NECTIN2: variants seen among roughly 807,000 people sequenced by gnomAD.
NECTIN2 encodes the protein nectin cell adhesion molecule 2.
NECTIN2 carries 23 observed loss-of-function variants against 56.9 expected under a neutral mutation model. The ratio of observed to expected loss-of-function variants is 0.40; its 90% CI spans 0.29 to 0.57. NECTIN2 has a LOEUF of 0.57. NECTIN2 is among the 20% of genes least tolerant of loss of function. NECTIN2 has a pLI of 0.38. For synonymous variants in NECTIN2, 302 were observed against 313.8 expected (o/e 0.96, Z 0.40); for missense variants, 587 against 718.3 (o/e 0.82, Z 2.09).
chr19:44,877,529 G>A (rs1372086302), intron 5 of NECTIN2, among the ~76,000 whole-genome samples: 2 of 152,238 alleles, frequency 1.3e-5, no homozygotes, highest in African/African-American at 2.4e-5. Context: ...ACACACTGGG[G>A]ATAAGTGGCC....
intron 3 of NECTIN2, 23 bp from the exon 4 acceptor site, chr19:44,873,893 T>A: frequency 1.3e-6 from 2 of 1,561,222 alleles, no homozygotes; most frequent in Non-Finnish European, 1.8e-6. Flanking sequence ...TCCTTGCTGA[T>A]CCAGTCCCCC....
intron 2 of NECTIN2, among the ~76,000 whole-genome samples, chr19:44,870,566 T>C (rs1969161721): frequency 6.6e-6 from 1 of 151,600 alleles, no homozygotes; most frequent in African/African-American, 2.4e-5. Context: ...GGAAAGGGTA[T>C]AAAAAAAAGA....
At chr19:44,881,896 C>T (rs114722827) in intron 5 of NECTIN2, 191 of 215,768 alleles carry the variant, frequency 8.9e-4, no homozygotes, top group African/African-American at 4.1e-3. Flanking sequence ...ATTTTTGTAT[C>T]CCCCGTGACT....
rs1302377924 is a variant in NECTIN2 at position 44,874,016 on chromosome 19, G to C, written c.876G>C (p.Thr292=). Reference sequence around the variant, plus strand: ...ACGTCCGCAGCAACCCAGAGCCCACGGGCTATGACTGGAGCACGTGAGTCA... The same window carrying C: ...ACGTCCGCAGCAACCCAGAGCCCACCGGCTATGACTGGAGCACGTGAGTCA... ...SCDVRSNPEP[T]GYDWSTTSGT... The change falls in exon 4 of 9, where the codon ACG becomes ACC. Residue 292 remains threonine (T), a synonymous_variant. Coordinates refer to ENST00000252483, the MANE Select transcript of NECTIN2 (RefSeq NM_001042724.2). This position sits in a 1 kb window ranked among gnomAD's most constrained non-coding sequence, Gnocchi z 6.3. 4 of 1,613,424 alleles carry C rather than the reference G, an allele frequency of 2.5e-6. No individual in the cohort carries two copies. Among genetic ancestry groups the C allele is most frequent in the Non-Finnish European group, 3.4e-6 (4 of 1,179,724 alleles).
In NECTIN2 at chr19:44,865,780, A is replaced by G; in HGVS notation, c.478+120A>G. ...AGGTTCACATTCTCTGTGGGTTTCC[A>G]TCCATCAGCAAATGTTCATTAAGCA... On this transcript the variant is annotated intron_variant, in intron 2 of 8. Transcript: ENST00000252483. The surrounding 1 kb of genome is among the most constrained non-coding windows in gnomAD (Gnocchi z 5.2). 8.5e-7 allele frequency: 1 copy of G among 1,181,510 alleles called. No homozygotes were observed. The highest frequency in any genetic ancestry group is 1.1e-6 in the Non-Finnish European group (1 of 872,322). 73.2% of individuals were successfully genotyped at this position (1,181,510 alleles called of 1,614,324 possible). A position where few individuals can be genotyped will look rare whatever the true frequency, so the allele number is the denominator to read the frequency against.
In NECTIN2 at chr19:44,874,246, C is replaced by T. The variant is rs576536149; in HGVS notation, c.894-84C>T. The T allele has an allele frequency of 4.1e-4, 619 of 1,515,214 alleles. 7 individuals carry two copies. The South Asian group carries it at 6.7e-3, about 16-fold the overall frequency. The allele number at this position is 1,515,214 out of a possible 1,614,324, so 93.9% of individuals were successfully genotyped here. On this transcript the variant is annotated intron_variant, in intron 4 of 8. Coordinates refer to ENST00000252483, the MANE Select transcript of NECTIN2 (RefSeq NM_001042724.2). This position sits in a 1 kb window ranked among gnomAD's most constrained non-coding sequence, Gnocchi z 6.3. ...GTACTTAGGTCCCTGGAGCTTGGCT[C>T]CTGGTGGGTGTATCTTTAGGGATGA...
intron 8 of NECTIN2, among the ~76,000 whole-genome samples, chr19:44,886,478 T>C (rs1969362687): frequency 6.6e-6 from 1 of 152,094 alleles, no homozygotes; most frequent in Non-Finnish European, 1.5e-5. Context: ...CCCAGCACTT[T>C]GGGAGGCCAA....
intron 3 of NECTIN2, among the ~76,000 whole-genome samples, chr19:44,872,408 T>C (rs1204378891): frequency 6.6e-6 from 1 of 152,152 alleles, no homozygotes; most frequent in Non-Finnish European, 1.5e-5. Context: ...AAGAGCCAGT[T>C]TGATACATTT....
Position 44,874,435 on chromosome 19 carries a change from T to C in NECTIN2, c.999T>C (p.Asn333=). Reference sequence around the variant, plus strand: ...CCACCTTCGTCTGCACAGTCACCAATGCCGTGGGCATGGGCCGCGCTGAGC... The same window carrying C: ...CCACCTTCGTCTGCACAGTCACCAACGCCGTGGGCATGGGCCGCGCTGAGC... The part of the protein sequence containing the change: ...FNTTFVCTVT[N]AVGMGRAEQV... Residue 333 remains asparagine, a synonymous_variant, in exon 5 of 9, where the codon AAT becomes AAC. Transcript: ENST00000252483. This position sits in a 1 kb window ranked among gnomAD's most constrained non-coding sequence, Gnocchi z 6.3. 1 of 1,614,144 alleles carries C rather than the reference T, an allele frequency of 6.2e-7. No homozygotes were observed. Among genetic ancestry groups the C allele is most frequent in the Non-Finnish European group, 8.5e-7 (1 of 1,180,030 alleles).
intron 1 of NECTIN2, among the ~76,000 whole-genome samples, chr19:44,854,344 A>G (rs1043823786): frequency 5.9e-5 from 9 of 152,056 alleles, no homozygotes; most frequent in African/African-American, 2.2e-4. Flanking sequence ...TGGTCTCCCA[A>G]AGTTCTGGGA....
chr19:44,848,938 T>A (rs1968869255), intron 1 of NECTIN2, among the ~76,000 whole-genome samples: 1 of 152,058 alleles, frequency 6.6e-6, no homozygotes, highest in South Asian at 2.1e-4. Flanking sequence ...CTTTCTTCCC[T>A]GCCCATCCGT....
intron 3 of NECTIN2, among the ~76,000 whole-genome samples, chr19:44,873,636 AACACACAC>A (rs34606745): frequency 1.3e-5 from 2 of 149,768 alleles, no homozygotes; most frequent in Admixed American, 6.7e-5. Context: ...CTGTCTCAAA[AACACACAC>A]ACACACACAC....
chr19:44,886,134 C>G lies in NECTIN2; in HGVS notation c.1262C>G (p.Pro421Arg). 6.2e-7 allele frequency: 1 copy of G among 1,611,964 alleles called. No homozygotes were observed. The highest frequency in any genetic ancestry group is 1.1e-5 in the South Asian group (1 of 90,984). Residue 421 changes from proline to arginine, a missense_variant and splice_region_variant, in exon 8 of 9, where the codon CCC becomes CGC. Physicochemically the swap from Pro to Arg is moderately radical, Grantham distance 103 (BLOSUM62 -2). Coordinates refer to ENST00000252483, the MANE Select transcript of NECTIN2 (RefSeq NM_001042724.2). Reference sequence around the variant, plus strand: ...CTCCCCGCCCCTCTCCCACTACAGCCCTCCCAGCTCTTCACTCTGGGGGCC... The same window carrying G: ...CTCCCCGCCCCTCTCCCACTACAGCGCTCCCAGCTCTTCACTCTGGGGGCC... ...PKAKLEAQEM[P>R]SQLFTLGASE...
chr19:44,882,261 A>C lies in NECTIN2; in HGVS notation c.1093A>C (p.Ile365Leu). The C allele has an allele frequency of 6.4e-7, 1 of 1,555,390 alleles. No homozygotes were observed. Among genetic ancestry groups the C allele is most frequent in the South Asian group, 1.2e-5 (1 of 84,298 alleles). The part of the protein sequence containing the change: ...AGATGGIIGG[I>L]IAAIIATAVA... ...GGCCACAGGCGGCATCATCGGGGGC[A>C]TCATCGCCGCCATCATTGCTACTGC... The change falls in exon 6 of 9, where the codon ATC becomes CTC. Residue 365 changes from isoleucine (I) to leucine (L), a missense_variant. By Grantham distance (5) the Ile-to-Leu change is conservative (BLOSUM62 2). Transcript: ENST00000252483.
chr19:44,855,590 A>G (rs1290086260), intron 1 of NECTIN2, among the ~76,000 whole-genome samples: 1 of 151,972 alleles, frequency 6.6e-6, no homozygotes, highest in Non-Finnish European at 1.5e-5. Context: ...AAGCCTCTTC[A>G]GGTTCCTCCC....
At chr19:44,847,787 T>C (rs1968853719) in intron 1 of NECTIN2, among the ~76,000 whole-genome samples, 1 of 152,136 alleles carries the variant, frequency 6.6e-6, no homozygotes, top group Non-Finnish European at 1.5e-5. Flanking sequence ...ATCTATCCTC[T>C]GGTAGCGCCT....
At chr19:44,883,278 T>G (rs995564016) in intron 6 of NECTIN2, among the ~76,000 whole-genome samples, 136 of 151,978 alleles carry the variant, frequency 8.9e-4, no homozygotes, top group Admixed American at 1.5e-3. Context: ...CTTTGTTTTG[T>G]TTTTGTTTTT....
rs771668072 is a variant in NECTIN2 at position 44,871,884 on chromosome 19, G to A, written c.510G>A (p.Lys170=). 1 of 1,613,864 alleles carries A rather than the reference G, an allele frequency of 6.2e-7. No homozygotes were observed. Among genetic ancestry groups the A allele is most frequent in the Non-Finnish European group, 8.5e-7 (1 of 1,179,802 alleles). ...AKPKNQAEAQ[K]VTFSQDPTTV... ...CCAAGAACCAAGCTGAGGCCCAGAA[G>A]GTCACGTTCAGCCAGGACCCTACGA... Residue 170 remains lysine, a synonymous_variant, in exon 3 of 9, where the codon AAG becomes AAA. Transcript: ENST00000252483.
intron 5 of NECTIN2, among the ~76,000 whole-genome samples, chr19:44,879,592 G>T (rs1490466863): frequency 6.6e-6 from 1 of 152,070 alleles, no homozygotes; most frequent in Non-Finnish European, 1.5e-5. Flanking sequence ...TGGGAGTGGC[G>T]GCAGCTCCCT....
Sources: gnomAD v4.1 joint callset for allele counts (sites outside exome capture counted in the v4.1 genomes callset) on GRCh38, gnomAD v4.1.1 for gene constraint, Gnocchi (gnomAD v3.1) non-coding constraint, MANE v1.5 for transcripts, NCBI Gene and HGNC (gene_info 2026-07-23, HGNC 2026-07-21) for gene names.